The following ICE1 variants were observed in gnomAD, a reference collection of about 807,000 sequenced individuals.
ICE1 encodes interactor of little elongation complex ELL subunit 1.
Under a neutral mutation model 192.7 loss-of-function variants are expected in ICE1, and 64 were observed. The ratio of observed to expected loss-of-function variants is 0.33; its 90% confidence interval spans 0.27 to 0.41. The LOEUF (loss-of-function observed/expected upper bound fraction) is 0.41, where lower values mean the gene tolerates loss of function less well. Ranked by LOEUF, ICE1 falls within the 10% of genes least tolerant of loss-of-function variation. The probability of loss-of-function intolerance (pLI) is 1.00; values close to 1 mark genes in which losing one functional copy is unlikely to be tolerated. For synonymous variants in ICE1, 1,010 were observed against 984.5 expected (o/e 1.03, Z -0.49); for missense variants, 2,708 against 2,696.0 (o/e 1.00, Z -0.10).
At chr5:5,432,499 A>G (rs945020338) in intron 1 of ICE1, among the ~76,000 whole-genome samples, 2 of 152,128 alleles carry the variant, frequency 1.3e-5, no homozygotes, top group Admixed American at 6.5e-5. Flanking sequence ...ATCAGTGTGT[A>G]AGTTTGCCGT....
At chr5:5,451,334 G>A (rs1001537378) in intron 10 of ICE1, among the ~76,000 whole-genome samples, 6 of 152,152 alleles carry the variant, frequency 3.9e-5, no homozygotes, top group African/African-American at 9.6e-5. Flanking sequence ...AAATAAATAC[G>A]GAGAATGAAG....
chr5:5,450,516 A>G (rs1185089386), intron 10 of ICE1, among the ~76,000 whole-genome samples: 2 of 152,196 alleles, frequency 1.3e-5, no homozygotes, highest in Admixed American at 6.5e-5. Flanking sequence ...TGATCAAGAC[A>G]TGACAGAAGG....
intron 12 of ICE1, among the ~76,000 whole-genome samples, chr5:5,458,704 A>G (rs1177449190): frequency 6.6e-6 from 1 of 152,128 alleles, no homozygotes; most frequent in Non-Finnish European, 1.5e-5. Flanking sequence ...AGGAGTTCCT[A>G]CTTTATCCTG....
At position 5,482,905 on chromosome 5, in the gene ICE1, A is replaced by G. The variant is rs142798751; in HGVS notation, c.6521-3816A>G. Among the ~76,000 whole-genome samples the G allele has an allele frequency of 1.9e-3, 291 of 152,270 alleles. 2 individuals carry two copies. The highest frequency in any genetic ancestry group is 6.6e-3 in the African/African-American group (276 of 41,540). ...TCTGACCTTGACTGAAAAATTGAGTAAAAAATCAAGTTGGTAGGCTGTGAT... is the reference window on the plus strand; with the variant it reads ...TCTGACCTTGACTGAAAAATTGAGTGAAAAATCAAGTTGGTAGGCTGTGAT... On this transcript the variant is annotated intron_variant, in intron 17 of 18. Coordinates refer to ENST00000296564, the MANE Select transcript of ICE1 (RefSeq NM_015325.3).
chr5:5,486,473 A>T (rs1739641279), intron 17 of ICE1, among the ~76,000 whole-genome samples: 1 of 152,180 alleles, frequency 6.6e-6, no homozygotes, highest in African/African-American at 2.4e-5. Flanking sequence ...CTTATCTTTG[A>T]TCTGTTAACT....
At chr5:5,425,711 T>C (rs781641922) in intron 1 of ICE1, among the ~76,000 whole-genome samples, 1 of 152,234 alleles carries the variant, frequency 6.6e-6, no homozygotes. Context: ...TGAAGGTTTT[T>C]GCATAGTTAC....
chr5:5,435,986 C>T (rs1188938237), intron 1 of ICE1, among the ~76,000 whole-genome samples: 1 of 152,022 alleles, frequency 6.6e-6, no homozygotes, highest in Non-Finnish European at 1.5e-5. Flanking sequence ...TATATTTTTT[C>T]ACTTAATCTT....
At chr5:5,438,745 T>C (rs1433293800) in intron 3 of ICE1, among the ~76,000 whole-genome samples, 1 of 152,204 alleles carries the variant, frequency 6.6e-6, no homozygotes, top group Non-Finnish European at 1.5e-5. Context: ...CAGAAAAATT[T>C]TAAAACAAAA....
intron 16 of ICE1, among the ~76,000 whole-genome samples, chr5:5,475,284 C>T (rs1199876254): frequency 6.6e-6 from 1 of 152,210 alleles, no homozygotes; most frequent in Non-Finnish European, 1.5e-5. Flanking sequence ...AGGTTGTTTA[C>T]ATCCATAGAT....
chr5:5,449,955 A>G lies in ICE1; in HGVS notation c.604+2058A>G, dbSNP rs573006119. ...GTCCACTTTCCACTGCTTCCCCTGC[A>G]AGGCAGGGTCCCACAGATTTATGAA... On this transcript the variant is annotated intron_variant, in intron 10 of 18. Transcript: ENST00000296564. Among the ~76,000 whole-genome samples the G allele has an allele frequency of 4.6e-5, 7 of 152,344 alleles. No homozygotes were observed. The South Asian group carries it at 1.4e-3, about 32-fold the overall frequency.
At chr5:5,468,729 T>C (rs1211783728) in intron 14 of ICE1, 99 bp from the exon 15 acceptor site, 9 of 711,234 alleles carry the variant, frequency 1.3e-5, no homozygotes, top group Non-Finnish European at 1.9e-5. Flanking sequence ...GCAGGATGCC[T>C]GCAAGGCACC....
chr5:5,452,222 A>G (rs1224323373), intron 10 of ICE1, among the ~76,000 whole-genome samples: 1 of 146,834 alleles, frequency 6.8e-6, no homozygotes, highest in Non-Finnish European at 1.5e-5. Context: ...GAATAAATGC[A>G]GAAGAGTAGG....
rs1455138373 is a variant in ICE1 at position 5,464,539 on chromosome 5, A to C, written c.5205A>C (p.Ala1735=). Residue 1735 remains alanine (A), a synonymous_variant, in exon 13 of 19, where the codon GCA becomes GCC. Transcript: ENST00000296564. The surrounding 1 kb of genome is among the most constrained non-coding windows in gnomAD (Gnocchi z 4.0). ...TGCCTGGCCGACTCCCACCCTGTGC[A>C]TCTGGCCACGCTGCTGTGGGAGGGC... ...LPVPGRLPPC[A]SGHAAVGGPQ... The C allele has an allele frequency of 6.2e-7, 1 of 1,613,824 alleles. No individual in the cohort carries two copies. The highest frequency in any genetic ancestry group is 8.5e-7 in the Non-Finnish European group (1 of 1,179,830).
chr5:5,477,558 A>G (rs1739352736), intron 17 of ICE1, among the ~76,000 whole-genome samples: 1 of 152,232 alleles, frequency 6.6e-6, no homozygotes, highest in African/African-American at 2.4e-5. Context: ...TACCAGAGGT[A>G]CAAAGAGGAG....
rs1738908039 is a variant in ICE1, at chr5:5,464,322, C to G, written c.4988C>G (p.Ala1663Gly). The G allele has an allele frequency of 6.2e-7, 1 of 1,613,718 alleles. No homozygotes were observed. The highest frequency in any genetic ancestry group is 8.5e-7 in the Non-Finnish European group (1 of 1,179,862). Reference protein sequence around the residue: ...LISSSSPSSPASPVGQVSPFR... With the variant: ...LISSSSPSSPGSPVGQVSPFR... ...TCGAGTTCTAGTCCTTCCTCACCAG[C>G]CTCTCCTGTTGGCCAGGTTTCTCCC... The change falls in exon 13 of 19, where the codon GCC becomes GGC. Residue 1663 changes from alanine (A) to glycine (G), a missense_variant. Coordinates refer to ENST00000296564, the MANE Select transcript of ICE1 (RefSeq NM_015325.3). The surrounding 1 kb of genome is among the most constrained non-coding windows in gnomAD (Gnocchi z 4.0).
intron 1 of ICE1, among the ~76,000 whole-genome samples, chr5:5,431,506 T>G (rs1297330483): frequency 6.6e-6 from 1 of 152,216 alleles, no homozygotes; most frequent in Non-Finnish European, 1.5e-5. Flanking sequence ...GGAAGTAAGT[T>G]TGTAGAGACT....
At position 5,447,724 on chromosome 5, in the gene ICE1, A is replaced by G; in HGVS notation, c.511A>G (p.Arg171Gly). 2 of 1,580,722 alleles carry G rather than the reference A, an allele frequency of 1.3e-6. No homozygotes were observed. The highest frequency in any genetic ancestry group is 1.7e-6 in the Non-Finnish European group (2 of 1,160,784). The stretch of plus-strand genomic sequence containing the variant: ...TATTAATATTTTGTTTTCACAGGAA[A>G]GGCTTGACGAATTTTCTAAACAGAA... The part of the protein sequence containing the change: ...LEKEFKKTQE[R>G]LDEFSKQKNE... The change falls in exon 9 of 19, where the codon AGG becomes GGG. Residue 171 changes from arginine (R) to glycine (G), a missense_variant. This residue lies in a region of ICE1 where 2,366 missense variants were observed against 2,276.6 expected (regional missense o/e 1.04). Transcript: ENST00000296564.
At chr5:5,444,770 G>T (rs1017694090) in intron 7 of ICE1, among the ~76,000 whole-genome samples, 2 of 152,090 alleles carry the variant, frequency 1.3e-5, no homozygotes, top group Non-Finnish European at 2.9e-5. Context: ...GTACATTAGG[G>T]ATTGTCCAGT....
Position 5,468,850 on chromosome 5 carries a change from A to C in ICE1, c.6084A>C (p.Leu2028Phe), listed in dbSNP as rs1739071370. 1.3e-6 allele frequency: 2 copies of C among 1,585,008 alleles called. No individual in the cohort carries two copies. The highest frequency in any genetic ancestry group is 1.7e-6 in the Non-Finnish European group (2 of 1,167,810). ...LKEDFPESEKLTLFIANMWHD... is the reference protein window; with the variant it reads ...LKEDFPESEKFTLFIANMWHD... ...TAGATTTTCCGGAGTCTGAAAAATT[A>C]ACTTTGTTTATTGCAAACATGTGGC... The change falls in exon 15 of 19, where the codon TTA becomes TTC. Residue 2028 changes from leucine to phenylalanine, a missense_variant. Physicochemically the swap from Leu to Phe is conservative, Grantham distance 22. Around this residue, in one of 2 missense-constraint regions of ICE1, gnomAD observed 342 missense variants for 419.3 expected, o/e 0.82. Coordinates refer to ENST00000296564, the MANE Select transcript of ICE1 (RefSeq NM_015325.3).
Sources: gnomAD v4.1 joint callset for allele counts (sites outside exome capture counted in the v4.1 genomes callset) on GRCh38, gnomAD v4.1.1 for gene constraint, gnomAD v4.1.1 regional missense constraint, Gnocchi (gnomAD v3.1) non-coding constraint, MANE v1.5 for transcripts, NCBI Gene and HGNC (gene_info 2026-07-23, HGNC 2026-07-21) for gene names.